GMDS: variants seen among roughly 807,000 people sequenced by gnomAD.
GMDS encodes the protein GDP-mannose 4,6-dehydratase.
GMDS carries 20 observed loss-of-function variants against 49.9 expected under a neutral mutation model. The ratio of observed to expected loss-of-function variants is 0.40; its 90% CI spans 0.28 to 0.58. GMDS has a LOEUF of 0.58. GMDS is among the 20% of genes least tolerant of loss of function. GMDS has a pLI of 0.42. For missense variants in GMDS, 362 were observed against 481.4 expected, an observed-to-expected ratio of 0.75 and a Z score of 2.32; for synonymous variants, 177 against 178.6, an observed-to-expected ratio of 0.99 and a Z score of 0.07.
At chr6:1,898,510 T>C (rs1195343277) in intron 7 of GMDS, among the ~76,000 whole-genome samples, 3 of 152,248 alleles carry the variant, frequency 2.0e-5, no homozygotes, top group East Asian at 1.9e-4. Context: ...AAAATAATAG[T>C]TTCCACCCTC....
At chr6:2,022,077 C>T (rs776051973) in intron 4 of GMDS, among the ~76,000 whole-genome samples, 4 of 152,028 alleles carry the variant, frequency 2.6e-5, no homozygotes, top group Non-Finnish European at 5.9e-5. Context: ...TGACAGGCTG[C>T]CTAAGCCTAA....
intron 9 of GMDS, among the ~76,000 whole-genome samples, chr6:1,643,189 C>G (rs1192643022): frequency 1.3e-5 from 2 of 152,188 alleles, no homozygotes; most frequent in Non-Finnish European, 2.9e-5. Flanking sequence ...GCCGGAATCT[C>G]CAAGGGTGCC....
At chr6:1,926,947 A>G (rs1157593701) in intron 7 of GMDS, among the ~76,000 whole-genome samples, 1 of 152,266 alleles carries the variant, frequency 6.6e-6, no homozygotes, top group Admixed American at 6.5e-5. Context: ...CTGTCTCTCC[A>G]TGGAATCTGA....
chr6:2,223,511 C>T (rs1554099896), intron 1 of GMDS, among the ~76,000 whole-genome samples: 1 of 151,660 alleles, frequency 6.6e-6, no homozygotes, highest in Non-Finnish European at 1.5e-5. Flanking sequence ...TAGGAGGTTA[C>T]TATAACAGCC....
intron 4 of GMDS, among the ~76,000 whole-genome samples, chr6:2,101,267 T>TA (rs1204877936): frequency 1.3e-5 from 2 of 151,660 alleles, no homozygotes; most frequent in Non-Finnish European, 3.0e-5. Flanking sequence ...GGGAAAGTTC[T>TA]TAGGAAATTC....
intron 9 of GMDS, among the ~76,000 whole-genome samples, chr6:1,657,295 C>T (rs906184928): frequency 1.3e-5 from 2 of 152,148 alleles, no homozygotes; most frequent in Admixed American, 6.5e-5. Context: ...AAAGAGACAG[C>T]GCAGGTGCAA....
At chr6:1,668,175 T>G (rs1764294132) in intron 9 of GMDS, among the ~76,000 whole-genome samples, 1 of 152,268 alleles carries the variant, frequency 6.6e-6, no homozygotes, top group Non-Finnish European at 1.5e-5. Context: ...AGGTGTTTAC[T>G]TTTTTCTTTT....
At chr6:1,863,508 G>A (rs1758293894) in intron 7 of GMDS, among the ~76,000 whole-genome samples, 1 of 152,106 alleles carries the variant, frequency 6.6e-6, no homozygotes, top group South Asian at 2.1e-4. Context: ...GTGTGTGTGT[G>A]TTCCAATATA....
At chr6:1,925,458 C>T (rs960928021) in intron 7 of GMDS, among the ~76,000 whole-genome samples, 1 of 152,102 alleles carries the variant, frequency 6.6e-6, no homozygotes, top group South Asian at 2.1e-4. Context: ...ATGTATAGCA[C>T]ACTGATGCTA....
intron 7 of GMDS, among the ~76,000 whole-genome samples, chr6:1,853,613 G>A (rs1446835307): frequency 6.6e-6 from 1 of 151,866 alleles, no homozygotes; most frequent in East Asian, 1.9e-4. Flanking sequence ...CGTGTACAGG[G>A]CAAGACATAA....
chr6:1,736,723 G>A (rs1407943963), intron 8 of GMDS, among the ~76,000 whole-genome samples: 2 of 152,142 alleles, frequency 1.3e-5, no homozygotes, highest in Admixed American at 1.3e-4. Context: ...GAAAGGTTAG[G>A]GAATAATACA....
chr6:2,139,394 C>T (rs1386976784), intron 1 of GMDS, among the ~76,000 whole-genome samples: 5 of 152,062 alleles, frequency 3.3e-5, no homozygotes, highest in Non-Finnish European at 7.4e-5. Context: ...GTAGTCTTAC[C>T]AAAACAAGAA....
chr6:1,944,261 C>T (rs942197889), intron 6 of GMDS, among the ~76,000 whole-genome samples: 4 of 152,256 alleles, frequency 2.6e-5, no homozygotes, highest in Admixed American at 2.0e-4. Context: ...AATCCCAGCA[C>T]CTTGGGAGGC....
chr6:2,080,367 T>C (rs1386146255), intron 4 of GMDS, among the ~76,000 whole-genome samples: 1 of 152,220 alleles, frequency 6.6e-6, no homozygotes, highest in Non-Finnish European at 1.5e-5. Flanking sequence ...CCCCTGGAGA[T>C]GTCATATTTC....
At chr6:1,792,359 T>C (rs1769580286) in intron 7 of GMDS, among the ~76,000 whole-genome samples, 1 of 152,158 alleles carries the variant, frequency 6.6e-6, no homozygotes, top group South Asian at 2.1e-4. Flanking sequence ...TCAGAGAACC[T>C]ACTGCTTCCT....
intron 8 of GMDS, among the ~76,000 whole-genome samples, chr6:1,730,756 C>T (rs1433819204): frequency 6.6e-6 from 1 of 152,130 alleles, no homozygotes; most frequent in Admixed American, 6.5e-5. Context: ...CCGTCAAGTC[C>T]TCTTATAATA....
At chr6:2,187,521 A>T (rs1464145052) in intron 1 of GMDS, among the ~76,000 whole-genome samples, 1 of 152,214 alleles carries the variant, frequency 6.6e-6, no homozygotes, top group Non-Finnish European at 1.5e-5. Context: ...AAAAATTTAC[A>T]TTGAGAGATA....
intron 1 of GMDS, among the ~76,000 whole-genome samples, chr6:2,183,394 G>A (rs1778642451): frequency 6.6e-6 from 1 of 152,216 alleles, no homozygotes. Flanking sequence ...AGACTGCCAT[G>A]GAGGAAGAAC....
chr6:2,210,126 A>G lies in GMDS; in HGVS notation c.102+35195T>C, dbSNP rs1779999153. Among the ~76,000 whole-genome samples the G allele has an allele frequency of 3.3e-5, 5 of 152,316 alleles. No individual in the cohort carries two copies. The South Asian group carries it at 1.0e-3, about 32-fold the overall frequency. ...CTGAGTGCCTTTATTATAATCAACA[A>G]ATTTGTACAGAATATTTCAAAAATC... On this transcript the variant is annotated intron_variant, in intron 1 of 10. Transcript: ENST00000380815.
Sources: gnomAD v4.1 joint callset for allele counts (sites outside exome capture counted in the v4.1 genomes callset) on GRCh38, gnomAD v4.1.1 for gene constraint, MANE v1.5 for transcripts, NCBI Gene and HGNC (gene_info 2026-07-23, HGNC 2026-07-21) for gene names.